Variants in ADAM23 observed in about 807,000 individuals in gnomAD.
The protein encoded by ADAM23 is disintegrin and metalloproteinase domain-containing protein 23.
A neutral mutation model predicts 120.1 loss-of-function variants in ADAM23; 33 were observed. That is an observed-to-expected ratio of 0.27 (90% CI 0.21 to 0.37). The LOEUF (loss-of-function observed/expected upper bound fraction) is 0.37. ADAM23 is among the 10% of genes least tolerant of loss of function. The pLI, the probability that ADAM23 is intolerant of heterozygous loss-of-function variation, is 1.00. For synonymous variants in ADAM23, 367 were observed against 375.2 expected (o/e 0.98, Z 0.25); for missense variants, 862 against 1,058.2 (o/e 0.81, Z 2.57).
chr2:206,533,030 A>G (rs1164243700), intron 4 of ADAM23, among the ~76,000 whole-genome samples: 2 of 152,134 alleles, frequency 1.3e-5, no homozygotes, highest in Non-Finnish European at 2.9e-5. Context: ...ACATATATAT[A>G]TATATTTTTA....
At chr2:206,506,901 A>T (rs576414360) in intron 3 of ADAM23, among the ~76,000 whole-genome samples, 19 of 152,320 alleles carry the variant, frequency 1.2e-4, no homozygotes, top group South Asian at 1.2e-3. Context: ...AACAGCAGGT[A>T]TTTGTCAAAA....
In ADAM23 at chr2:206,621,123, A is replaced by G. The variant is rs1699048040; in HGVS notation, c.*3496A>G. 1 of 152,218 alleles carries G rather than the reference A, an allele frequency of 6.6e-6. No individual in the cohort carries two copies. Among genetic ancestry groups the G allele is most frequent in the Non-Finnish European group, 1.5e-5 (1 of 68,034 alleles). 9.4% of individuals were successfully genotyped at this position (152,218 alleles called of 1,614,324 possible). A position where few individuals can be genotyped will look rare whatever the true frequency, so the allele number is the denominator to read the frequency against. On this transcript the variant is annotated 3_prime_UTR_variant, in exon 26 of 26. Coordinates refer to ENST00000264377, the MANE Select transcript of ADAM23 (RefSeq NM_003812.4). ...CAAATGTGTATTAAAACTTTCGTTA[A>G]CGTAGAATGTTGTAGCTTTATGCTT...
At chr2:206,558,095 A>T (rs1697682873) in intron 10 of ADAM23, among the ~76,000 whole-genome samples, 1 of 152,252 alleles carries the variant, frequency 6.6e-6, no homozygotes, top group Non-Finnish European at 1.5e-5. Context: ...TTCAATATTG[A>T]TATGTTTTCC....
intron 9 of ADAM23, among the ~76,000 whole-genome samples, chr2:206,554,506 A>C (rs1697600364): frequency 1.3e-5 from 2 of 152,364 alleles, no homozygotes; most frequent in South Asian, 4.1e-4. Flanking sequence ...AGGATAATTT[A>C]AATATTTTTC....
chr2:206,569,078 A>G (rs533614724), intron 15 of ADAM23, among the ~76,000 whole-genome samples: 1 of 152,228 alleles, frequency 6.6e-6, no homozygotes, highest in Non-Finnish European at 1.5e-5. Context: ...ATAAGTAATA[A>G]TGAACTAATG....
intron 10 of ADAM23, among the ~76,000 whole-genome samples, chr2:206,559,217 T>A (rs188266530): frequency 7.0e-4 from 106 of 152,344 alleles, no homozygotes; most frequent in Non-Finnish European, 1.0e-3. Flanking sequence ...GTGCTGGGAT[T>A]ACAGGCGTGA....
intron 2 of ADAM23, among the ~76,000 whole-genome samples, chr2:206,470,580 T>C (rs1417207971): frequency 6.6e-6 from 1 of 152,194 alleles, no homozygotes; most frequent in Non-Finnish European, 1.5e-5. Flanking sequence ...TTGAGTAAAA[T>C]TGTGAAACAG....
chr2:206,550,052 T>C (rs915841794), intron 8 of ADAM23, 43 bp from the exon 9 acceptor site: 3 of 1,297,184 alleles, frequency 2.3e-6, no homozygotes, highest in Non-Finnish European at 2.2e-6. Flanking sequence ...AGAGAGATTT[T>C]ATGTCAATCA....
intron 3 of ADAM23, among the ~76,000 whole-genome samples, chr2:206,497,550 T>A (rs1387616146): frequency 6.6e-6 from 1 of 152,182 alleles, no homozygotes; most frequent in Non-Finnish European, 1.5e-5. Flanking sequence ...AATATCATAC[T>A]GAATGGACAA....
intron 3 of ADAM23, among the ~76,000 whole-genome samples, chr2:206,489,977 G>A (rs1696097171): frequency 6.6e-6 from 1 of 152,184 alleles, no homozygotes; most frequent in Non-Finnish European, 1.5e-5. Flanking sequence ...CTCCCACTCT[G>A]CATTCGTACG....
chr2:206,540,584 T>C (rs1312355490), intron 4 of ADAM23, among the ~76,000 whole-genome samples: 1 of 152,124 alleles, frequency 6.6e-6, no homozygotes, highest in African/African-American at 2.4e-5. Flanking sequence ...AGGTGAGATG[T>C]AGCCATAAAA....
chr2:206,577,041 G>A (rs2105836242), intron 18 of ADAM23, among the ~76,000 whole-genome samples: 1 of 152,244 alleles, frequency 6.6e-6, no homozygotes, highest in East Asian at 1.9e-4. Context: ...GACATTTAGA[G>A]ACTGAATCCA....
intron 3 of ADAM23, among the ~76,000 whole-genome samples, chr2:206,520,245 T>C (rs1311038075): frequency 6.6e-6 from 1 of 152,138 alleles, no homozygotes. Flanking sequence ...CCAGTAGATA[T>C]ATTCCAGGCT....
chr2:206,450,030 A>T (rs1197010831), intron 2 of ADAM23, among the ~76,000 whole-genome samples: 1 of 152,110 alleles, frequency 6.6e-6, no homozygotes, highest in African/African-American at 2.4e-5. Context: ...CTATTTTAGG[A>T]TAGGACTGGT....
chr2:206,611,605 A>C (rs1177484522), intron 25 of ADAM23, among the ~76,000 whole-genome samples: 1 of 152,234 alleles, frequency 6.6e-6, no homozygotes, highest in East Asian at 1.9e-4. Flanking sequence ...TCCCGGTTTC[A>C]AAGGCCTGGA....
At chr2:206,591,647 T>G (rs1698427954) in intron 21 of ADAM23, among the ~76,000 whole-genome samples, 1 of 152,212 alleles carries the variant, frequency 6.6e-6, no homozygotes, top group Non-Finnish European at 1.5e-5. Flanking sequence ...TTTGTACCTC[T>G]TTCTGTAAGG....
intron 9 of ADAM23, among the ~76,000 whole-genome samples, chr2:206,553,837 TGA>T (rs1697585118): frequency 6.6e-6 from 1 of 152,220 alleles, no homozygotes; most frequent in Non-Finnish European, 1.5e-5. Context: ...ATCATCTCAC[TGA>T]GAGTACTCAT....
intron 5 of ADAM23, among the ~76,000 whole-genome samples, chr2:206,542,610 C>T (rs1021287571): frequency 6.6e-6 from 1 of 152,078 alleles, no homozygotes; most frequent in Non-Finnish European, 1.5e-5. Context: ...TGTGTTGGCA[C>T]CTTTTAGACC....
chr2:206,595,055 C>T (rs906408657), intron 23 of ADAM23, 150 bp downstream of exon 23: 19 of 943,020 alleles, frequency 2.0e-5, no homozygotes, highest in African/African-American at 1.7e-5. Flanking sequence ...GTGGTGGGCA[C>T]CTGTAGTCCC....
Sources: gnomAD v4.1 joint callset for allele counts (sites outside exome capture counted in the v4.1 genomes callset) on GRCh38, gnomAD v4.1.1 for gene constraint, MANE v1.5 for transcripts, NCBI Gene and HGNC (gene_info 2026-07-23, HGNC 2026-07-21) for gene names.